Variants in CFAP92 observed in about 807,000 individuals in gnomAD.
The protein encoded by CFAP92 is cilia and flagella associated protein 92 (putative).
A neutral mutation model predicts 106.3 loss-of-function variants in CFAP92; 86 were observed. The observed-to-expected ratio is 0.81, with a 90% confidence interval of 0.68 to 0.97. The LOEUF (loss-of-function observed/expected upper bound fraction) is 0.97, where lower values mean the gene tolerates loss of function less well. Ranked by LOEUF, CFAP92 falls within the 50% of genes least tolerant of loss-of-function variation. The pLI, the probability that CFAP92 is intolerant of heterozygous loss-of-function variation, is 0.00. For missense variants in CFAP92, 1,204 were observed against 1,283.8 expected (o/e 0.94, Z 0.95); for synonymous variants, 477 against 506.4 (o/e 0.94, Z 0.78).
At chr3:128,963,783 T>G (rs1343428369) in intron 9 of CFAP92, among the ~76,000 whole-genome samples, 1 of 149,512 alleles carries the variant, frequency 6.7e-6, no homozygotes, top group East Asian at 2.0e-4. Flanking sequence ...ATCCTGGAAA[T>G]CTATCCTCAA....
intron 15 of CFAP92, among the ~76,000 whole-genome samples, chr3:128,911,587 A>G (rs1936327563): frequency 6.6e-6 from 1 of 151,736 alleles, no homozygotes; most frequent in East Asian, 2.0e-4. Context: ...ATAGGCACGC[A>G]CCACCATGCC....
the CFAP92 span, among the ~76,000 whole-genome samples, chr3:129,023,801 G>T: frequency 1.3e-5 from 2 of 152,170 alleles, no homozygotes; most frequent in Non-Finnish European, 2.9e-5. Flanking sequence ...ATCACGTAGG[G>T]TCCACCCCTC....
At chr3:128,924,760 A>T (rs1334807264) in intron 12 of CFAP92, among the ~76,000 whole-genome samples, 1 of 152,064 alleles carries the variant, frequency 6.6e-6, no homozygotes, top group Non-Finnish European at 1.5e-5. Context: ...TGTATCTTAA[A>T]CTAGAAGAAC....
chr3:128,956,970 ACT>A (rs1308047875), intron 9 of CFAP92, among the ~76,000 whole-genome samples: 4 of 87,524 alleles, frequency 4.6e-5, no homozygotes, highest in Non-Finnish European at 2.1e-5. Flanking sequence ...ACAGAGCCAG[ACT>A]CTCTCAAAAA....
intron 15 of CFAP92, among the ~76,000 whole-genome samples, chr3:128,914,453 G>A (rs982090678): frequency 2.0e-5 from 3 of 152,222 alleles, no homozygotes; most frequent in Admixed American, 6.5e-5. Flanking sequence ...GAGTCGAGGA[G>A]GAGAGGAAGC....
intron 9 of CFAP92, among the ~76,000 whole-genome samples, chr3:128,947,420 G>C (rs1940335934): frequency 6.6e-6 from 1 of 152,154 alleles, no homozygotes; most frequent in Non-Finnish European, 1.5e-5. Context: ...TTGTATAGAA[G>C]AGCCAGGAAA....
At chr3:128,916,494 C>T (rs1388546089) in intron 12 of CFAP92, among the ~76,000 whole-genome samples, 3 of 152,170 alleles carry the variant, frequency 2.0e-5, no homozygotes, top group Non-Finnish European at 4.4e-5. Flanking sequence ...AATTGAGACC[C>T]CTAAGGTCAC....
rs1385374241 is a variant in CFAP92 at position 128,988,865 on chromosome 3, T to C, written c.316A>G (p.Thr106Ala). 3.7e-6 allele frequency: 6 copies of C among 1,613,572 alleles called. No individual in the cohort carries two copies. Among genetic ancestry groups the C allele is most frequent in the Non-Finnish European group, 5.1e-6 (6 of 1,179,674 alleles). ...LIEKYKKHPK[T>A]DSSVTKMRRF... ...CGCATCTTTGTAACAGAACTGTCTG[T>C]TTTAGGGTGTTTCTTATATTTTTCA... The change falls in exon 3 of 16, where the codon ACA becomes GCA. Residue 106 changes from threonine (T) to alanine (A), a missense_variant. Physicochemically the swap from Thr to Ala is moderately conservative, Grantham distance 58. Coordinates refer to ENST00000645291, the MANE Select transcript of CFAP92 (RefSeq NM_001394090.1).
chr3:129,000,066 G>A (rs1944651631), intron 1 of CFAP92, among the ~76,000 whole-genome samples: 1 of 152,158 alleles, frequency 6.6e-6, no homozygotes, highest in Admixed American at 6.5e-5. Context: ...TGCTGTGTCC[G>A]CTCATCCTCG....
chr3:128,971,403 T>G lies in CFAP92; in HGVS notation c.1052A>C (p.Lys351Thr), dbSNP rs1312361553. The change falls in exon 8 of 16, where the codon AAA becomes ACA. Residue 351 changes from lysine to threonine, a missense_variant. By Grantham distance (78) the Lys-to-Thr change is moderately conservative. Coordinates refer to ENST00000645291, the MANE Select transcript of CFAP92 (RefSeq NM_001394090.1). ...GGGCTTCTTATGTCTCCTCTGGATTTTCCTTCTTCCCTCTGAATCTTTCCC... is the reference window on the plus strand; with the variant it reads ...GGGCTTCTTATGTCTCCTCTGGATTGTCCTTCTTCCCTCTGAATCTTTCCC... ...IKGKDSEGRR[K>T]IQRRHKKPLA... 3.7e-6 allele frequency: 6 copies of G among 1,611,794 alleles called. No homozygotes were observed. The highest frequency in any genetic ancestry group is 5.1e-6 in the Non-Finnish European group (6 of 1,179,050).
chr3:129,008,261 G>A, the CFAP92 span, among the ~76,000 whole-genome samples: 1 of 152,222 alleles, frequency 6.6e-6, no homozygotes, highest in African/African-American at 2.4e-5. Flanking sequence ...AGCCCTTGCT[G>A]GCCCCTGGCC....
At position 128,933,876 on chromosome 3, in the gene CFAP92, T is replaced by C. The variant is rs1938684398; in HGVS notation, c.2454-879A>G. On this transcript the variant is annotated intron_variant, in intron 11 of 15. Transcript: ENST00000645291. ...GCCTCTTAGCCCCGACCAAGTTCTTTCTCCTTCCTATCTCTCCAGCCTCCT... is the reference window on the plus strand; with the variant it reads ...GCCTCTTAGCCCCGACCAAGTTCTTCCTCCTTCCTATCTCTCCAGCCTCCT... Among the ~76,000 whole-genome samples the C allele has an allele frequency of 9.9e-5, 15 of 152,218 alleles. 1 individual carries two copies. In the South Asian group the frequency reaches 3.1e-3, roughly 32 times the overall value.
intron 4 of CFAP92, 93 bp from the exon 5 acceptor site, chr3:128,978,278 G>T (rs757741087): frequency 2.2e-6 from 3 of 1,383,622 alleles, no homozygotes; most frequent in Admixed American, 2.1e-5. Context: ...GACACTGGGC[G>T]TTCGGTTTCA....
upstream of CFAP92, among the ~76,000 whole-genome samples, chr3:129,003,494 G>A (rs541552320): frequency 1.2e-4 from 19 of 152,140 alleles, no homozygotes; most frequent in African/African-American, 3.6e-4. Flanking sequence ...AGAGTCGCGA[G>A]GTTGGTACTA....
chr3:128,995,618 AG>A (rs977984777), upstream of CFAP92, among the ~76,000 whole-genome samples: 1 of 152,208 alleles, frequency 6.6e-6, no homozygotes, highest in African/African-American at 2.4e-5. Flanking sequence ...CACTGGCCTG[AG>A]GCTGGTTTCC....
chr3:128,995,378 G>C (rs1944441547), upstream of CFAP92, among the ~76,000 whole-genome samples: 1 of 152,158 alleles, frequency 6.6e-6, no homozygotes, highest in Non-Finnish European at 1.5e-5. Flanking sequence ...GTGAGGAGTG[G>C]GTTCAAACTC....
chr3:128,992,908 T>C (rs1944303431), intron 2 of CFAP92, 135 bp downstream of exon 2: 2 of 985,858 alleles, frequency 2.0e-6, no homozygotes, highest in South Asian at 3.1e-5. Context: ...CCTCTGCTCC[T>C]GGCTGGCACT....
At position 129,001,600 on chromosome 3, in the gene CFAP92, A is replaced by ACGT. The variant is rs1178341835; in HGVS notation, n.117+973_117+974insACG. 4.4e-6 allele frequency: 6 copies of ACGT among 1,354,292 alleles called. No individual in the cohort carries two copies. The East Asian group carries it at 1.8e-4, about 41-fold the overall frequency. The allele number at this position is 1,354,292 out of a possible 1,614,324, so 83.9% of individuals were successfully genotyped here. On this transcript the variant is annotated intron_variant and non_coding_transcript_variant, in intron 1 of 4. Transcript: ENST00000510149. ...GCGGGGCGAAGGGACCGGAGGAGGG[A>ACGT]CCGGAGGAGCGAGGCGCGCGGCGCA...
At chr3:128,985,301 A>G (rs1483138328) in intron 4 of CFAP92, among the ~76,000 whole-genome samples, 1 of 152,114 alleles carries the variant, frequency 6.6e-6, no homozygotes, top group Non-Finnish European at 1.5e-5. Flanking sequence ...TCTATAAAAG[A>G]TAAAATTTAA....
Sources: allele counts gnomAD v4.1 joint callset (sites outside exome capture counted in the v4.1 genomes callset), GRCh38; gene constraint gnomAD v4.1.1; transcripts MANE v1.5; gene names NCBI Gene and HGNC (gene_info 2026-07-23, HGNC 2026-07-21).